MEIS2: variants seen among roughly 807,000 people sequenced by gnomAD.
MEIS2 encodes homeobox protein Meis2.
In MEIS2, 9 loss-of-function variants were observed where a neutral mutation model predicts 58.6. The observed-to-expected ratio is 0.15, with a 90% CI of 0.09 to 0.27. MEIS2 has a LOEUF of 0.27. Among genes scored for constraint, MEIS2 ranks in the 10% least tolerant of loss-of-function variants. The probability of loss-of-function intolerance (pLI) is 1.00; values close to 1 mark genes in which losing one functional copy is unlikely to be tolerated. For missense variants in MEIS2, 427 were observed against 635.0 expected (o/e 0.67, Z 3.52); for synonymous variants, 221 against 228.4 (o/e 0.97, Z 0.29).
At chr15:36,938,220 T>C (rs1226897778) in intron 9 of MEIS2, among the ~76,000 whole-genome samples, 1 of 152,148 alleles carries the variant, frequency 6.6e-6, no homozygotes, top group African/African-American at 2.4e-5. Context: ...GATGAGCTCA[T>C]CTGCTCCCAG....
intron 8 of MEIS2, among the ~76,000 whole-genome samples, chr15:36,957,127 C>T (rs1450419): frequency 0.87 from 132,035 of 152,132 alleles, 57,557 homozygotes; most frequent in African/African-American, 0.94. Flanking sequence ...ATGCAATGTA[C>T]ATGAAAGTGT....
intron 6 of MEIS2, among the ~76,000 whole-genome samples, chr15:37,090,120 C>G (rs1596116602): frequency 6.6e-6 from 1 of 151,922 alleles, no homozygotes; most frequent in East Asian, 1.9e-4. Context: ...ATTTTTTTCT[C>G]CCCAATATTC....
intron 8 of MEIS2, among the ~76,000 whole-genome samples, chr15:36,961,026 T>C (rs1266322874): frequency 1.3e-5 from 2 of 151,826 alleles, no homozygotes; most frequent in South Asian, 2.1e-4. Flanking sequence ...TTTCCTTCCC[T>C]TTTTTTTAGA....
At chr15:36,926,065 A>G (rs1030516294) in intron 9 of MEIS2, among the ~76,000 whole-genome samples, 3 of 152,156 alleles carry the variant, frequency 2.0e-5, no homozygotes, top group Non-Finnish European at 4.4e-5. Context: ...TTTATCTTCA[A>G]ATAAAAAGAT....
Position 36,983,339 on chromosome 15 carries a change from T to C in MEIS2, c.901-32939A>G, listed in dbSNP as rs189383631. 3.1e-3 allele frequency among the ~76,000 whole-genome samples: 465 copies of C among 152,216 alleles called. 2 individuals carry two copies. Among genetic ancestry groups the C allele is most frequent in the African/African-American group, 0.011 (446 of 41,562 alleles). On this transcript the variant is annotated intron_variant, in intron 8 of 11. Transcript: ENST00000561208. Reference sequence around the variant, plus strand: ...TGCTTTTTGTATATGTTATGAGACATAGTTCAATTTCACTTTTGTGCATCT... The same window carrying C: ...TGCTTTTTGTATATGTTATGAGACACAGTTCAATTTCACTTTTGTGCATCT...
intron 8 of MEIS2, among the ~76,000 whole-genome samples, chr15:36,966,261 G>A (rs1175328606): frequency 6.6e-6 from 1 of 152,116 alleles, no homozygotes; most frequent in African/African-American, 2.4e-5. Flanking sequence ...ATTTTTAGGG[G>A]GAGAAGGGGG....
At chr15:36,915,682 C>A (rs1182076657) in intron 9 of MEIS2, among the ~76,000 whole-genome samples, 1 of 152,172 alleles carries the variant, frequency 6.6e-6, no homozygotes, top group South Asian at 2.1e-4. Flanking sequence ...GGGGTTGGCC[C>A]ATTCCCATTT....
chr15:37,029,719 G>T (rs913321134), intron 8 of MEIS2, among the ~76,000 whole-genome samples: 1 of 152,176 alleles, frequency 6.6e-6, no homozygotes, highest in African/African-American at 2.4e-5. Context: ...CAAATTGACT[G>T]CATCATTTGA....
At chr15:36,894,796 C>T in intron 11 of MEIS2, 1 of 1,613,028 alleles carries the variant, frequency 6.2e-7, no homozygotes, top group Non-Finnish European at 8.5e-7. Context: ...TATTCATGCC[C>T]ATTCCACTCA....
In MEIS2 at chr15:37,094,511, G is replaced by T; in HGVS notation, c.489+16C>A. The T allele has an allele frequency of 1.2e-6, 2 of 1,611,392 alleles. No homozygotes were observed. The highest frequency in any genetic ancestry group is 1.7e-6 in the Non-Finnish European group (2 of 1,178,378). The stretch of plus-strand genomic sequence containing the variant: ...AAATGGTTTAATCAACACGGGGAGC[G>T]TTATTTCCTGCTTACCTTTTCTAAC... On this transcript the variant is annotated intron_variant, in intron 5 of 11. Transcript: ENST00000561208.
chr15:36,930,288 A>G (rs1186794048), intron 9 of MEIS2, among the ~76,000 whole-genome samples: 1 of 151,878 alleles, frequency 6.6e-6, no homozygotes, highest in African/African-American at 2.4e-5. Flanking sequence ...AGCTGATTGC[A>G]CAAGGAATGG....
intron 8 of MEIS2, among the ~76,000 whole-genome samples, chr15:37,025,025 G>A (rs1252631776): frequency 6.6e-6 from 1 of 152,170 alleles, no homozygotes; most frequent in Non-Finnish European, 1.5e-5. Flanking sequence ...ACATATGAAT[G>A]GTCTGTCAGG....
intron 11 of MEIS2, 139 bp from the exon 12 acceptor site, chr15:36,892,598 G>T: frequency 1.3e-6 from 1 of 764,280 alleles, no homozygotes; most frequent in Non-Finnish European, 2.1e-6. Flanking sequence ...GCAGATTCTT[G>T]CCAATGTTTG....
chr15:36,990,648 T>G (rs1216634283), intron 8 of MEIS2, among the ~76,000 whole-genome samples: 1 of 152,184 alleles, frequency 6.6e-6, no homozygotes, highest in African/African-American at 2.4e-5. Context: ...TTTCTTTTTT[T>G]TTTACAGCTT....
At chr15:36,965,856 C>G (rs1158505154) in intron 8 of MEIS2, among the ~76,000 whole-genome samples, 1 of 152,158 alleles carries the variant, frequency 6.6e-6, no homozygotes, top group Non-Finnish European at 1.5e-5. Context: ...AAAAAGAGCT[C>G]ACTGTCATTC....
At chr15:36,932,391 C>T (rs1305832823) in intron 9 of MEIS2, among the ~76,000 whole-genome samples, 1 of 152,066 alleles carries the variant, frequency 6.6e-6, no homozygotes, top group Non-Finnish European at 1.5e-5. Flanking sequence ...AAAGGTATTG[C>T]TCATAATTTT....
At chr15:37,056,669 G>A (rs934094045) in intron 7 of MEIS2, among the ~76,000 whole-genome samples, 9 of 152,140 alleles carry the variant, frequency 5.9e-5, no homozygotes, top group African/African-American at 1.9e-4. Flanking sequence ...TTCCTAATGA[G>A]CTCACTAAAA....
chr15:37,021,429 G>A (rs2061523755), intron 8 of MEIS2, among the ~76,000 whole-genome samples: 1 of 152,134 alleles, frequency 6.6e-6, no homozygotes, highest in Non-Finnish European at 1.5e-5. Flanking sequence ...TCCATCCCAT[G>A]GCTTGCCCCT....
chr15:36,942,751 T>C (rs2058419818), intron 9 of MEIS2, among the ~76,000 whole-genome samples: 1 of 151,818 alleles, frequency 6.6e-6, no homozygotes, highest in African/African-American at 2.4e-5. Context: ...CTGTGGGTAA[T>C]GGAAGAAATG....
Sources: gnomAD v4.1 joint callset for allele counts (sites outside exome capture counted in the v4.1 genomes callset) on GRCh38, gnomAD v4.1.1 for gene constraint, MANE v1.5 for transcripts, NCBI Gene and HGNC (gene_info 2026-07-23, HGNC 2026-07-21) for gene names.